Variants in NYAP2 observed in about 807,000 individuals in gnomAD.
The protein encoded by NYAP2 is neuronal tyrosine-phosphorylated phosphoinositide-3-kinase adapter 2.
Under a neutral mutation model 50.4 loss-of-function variants are expected in NYAP2, and 23 were observed. That is an observed-to-expected ratio of 0.46 (90% CI 0.33 to 0.65). The LOEUF is 0.65. Among genes scored for constraint, NYAP2 ranks in the 30% least tolerant of loss-of-function variants. The pLI, the probability that NYAP2 is intolerant of heterozygous loss-of-function variation, is 0.02. For synonymous variants in NYAP2, 394 were observed against 365.2 expected, an observed-to-expected ratio of 1.08 and a Z score of -0.90; for missense variants, 885 against 861.0, an observed-to-expected ratio of 1.03 and a Z score of -0.35.
At chr2:225,583,616 C>G (rs947456037) in intron 5 of NYAP2, among the ~76,000 whole-genome samples, 11 of 150,630 alleles carry the variant, frequency 7.3e-5, no homozygotes, top group African/African-American at 2.7e-4. Flanking sequence ...GAAAGTCAAA[C>G]AGTGAAAACA....
chr2:225,480,457 A>T (rs886440403), intron 3 of NYAP2, among the ~76,000 whole-genome samples: 13 of 152,226 alleles, frequency 8.5e-5, no homozygotes, highest in African/African-American at 2.6e-4. Context: ...CTAAAAGGGC[A>T]TTTGAGCTAG....
chr2:225,534,254 C>T (rs1274760466), intron 4 of NYAP2, among the ~76,000 whole-genome samples: 1 of 152,168 alleles, frequency 6.6e-6, no homozygotes, highest in Admixed American at 6.5e-5. Context: ...GCATTTCCCT[C>T]ATTCCCCCAA....
chr2:225,589,516 A>AAAATATATATATATATATATATAT lies in NYAP2; in HGVS notation c.1618+6482_1618+6483insAATATATATATATATATATATATA, dbSNP rs112700820. On this transcript the variant is annotated intron_variant, in intron 5 of 6. Transcript: ENST00000636099. ...AAGACTATATCTCTACTAAAAGTAA[A>AAAATATATATATATATATATATAT]ATATATATATATATATATATATATA... is the stretch of plus-strand genomic sequence containing the variant. Among the ~76,000 whole-genome samples the AAAATATATATATATATATATATAT allele has an allele frequency of 2.1e-3, 147 of 71,274 alleles. 3 individuals carry two copies. The highest frequency in any genetic ancestry group is 2.9e-3 in the Non-Finnish European group (109 of 37,024). The allele number at this position is 71,274 out of a possible 152,430, so 46.8% of individuals were successfully genotyped here.
At chr2:225,703,302 T>C in the NYAP2 span, 1 of 151,890 alleles carries the variant, frequency 6.6e-6, no homozygotes, top group East Asian at 2.0e-4. Flanking sequence ...GTTTACCATA[T>C]CTAAAAATTT....
At chr2:225,686,810 A>G in the NYAP2 span, among the ~76,000 whole-genome samples, 4 of 152,142 alleles carry the variant, frequency 2.6e-5, no homozygotes, top group African/African-American at 9.6e-5. Flanking sequence ...TATTGTGCCT[A>G]GGATCTTGAT....
chr2:225,519,930 C>T (rs1215861976), intron 4 of NYAP2, among the ~76,000 whole-genome samples: 1 of 152,018 alleles, frequency 6.6e-6, no homozygotes, highest in Non-Finnish European at 1.5e-5. Context: ...CTCTCCAGCA[C>T]CTGTTGTTTC....
chr2:225,595,002 C>A (rs1692572002), intron 5 of NYAP2, among the ~76,000 whole-genome samples: 1 of 152,088 alleles, frequency 6.6e-6, no homozygotes, highest in Non-Finnish European at 1.5e-5. Context: ...TAGAAAAGAA[C>A]CCAGAACAGC....
intron 4 of NYAP2, among the ~76,000 whole-genome samples, chr2:225,554,290 C>G (rs1691734905): frequency 6.7e-6 from 1 of 148,630 alleles, no homozygotes; most frequent in South Asian, 2.2e-4. Flanking sequence ...CAATCTAAAA[C>G]CATATAAAAC....
intron 3 of NYAP2, among the ~76,000 whole-genome samples, chr2:225,478,247 AT>A (rs1162759779): frequency 1.3e-5 from 2 of 152,102 alleles, no homozygotes; most frequent in Non-Finnish European, 2.9e-5. Flanking sequence ...TGGATCCTGG[AT>A]ATATGGAGGA....
intron 3 of NYAP2, among the ~76,000 whole-genome samples, chr2:225,436,377 T>C (rs1689377450): frequency 1.3e-5 from 2 of 152,186 alleles, no homozygotes; most frequent in South Asian, 4.1e-4. Flanking sequence ...CCTCCCTAGC[T>C]TGACATGGTT....
At chr2:225,482,231 A>G (rs561466946) in intron 3 of NYAP2, among the ~76,000 whole-genome samples, 1 of 152,278 alleles carries the variant, frequency 6.6e-6, no homozygotes, top group Non-Finnish European at 1.5e-5. Context: ...TTATAAAAAC[A>G]TCTTCCTATC....
chr2:225,685,028 T>G, the NYAP2 span, among the ~76,000 whole-genome samples: 9 of 152,332 alleles, frequency 5.9e-5, no homozygotes, highest in African/African-American at 2.2e-4. Context: ...CCTTTTATAA[T>G]GTACTTAGGC....
At chr2:225,431,914 T>C (rs561457223) in intron 3 of NYAP2, among the ~76,000 whole-genome samples, 4 of 152,322 alleles carry the variant, frequency 2.6e-5, no homozygotes, top group Non-Finnish European at 2.9e-5. Context: ...TATAATTTTA[T>C]ACTGCAAGAG....
At chr2:225,530,123 G>A (rs970564869) in intron 4 of NYAP2, among the ~76,000 whole-genome samples, 2 of 152,094 alleles carry the variant, frequency 1.3e-5, no homozygotes, top group African/African-American at 4.8e-5. Flanking sequence ...TTTTAAGAAA[G>A]TGACTTTTTC....
intron 3 of NYAP2, among the ~76,000 whole-genome samples, chr2:225,500,418 G>A (rs913353809): frequency 1.3e-5 from 2 of 152,166 alleles, no homozygotes; most frequent in Admixed American, 1.3e-4. Context: ...GTAAATACAT[G>A]GCTAGGATTT....
At chr2:225,464,607 G>C (rs114898174) in intron 3 of NYAP2, among the ~76,000 whole-genome samples, 1 of 152,152 alleles carries the variant, frequency 6.6e-6, no homozygotes, top group Non-Finnish European at 1.5e-5. Flanking sequence ...GTGGATCCAT[G>C]GTTACCAGAA....
intron 3 of NYAP2, among the ~76,000 whole-genome samples, chr2:225,432,383 A>G (rs572624762): frequency 2.0e-3 from 297 of 150,722 alleles, no homozygotes; most frequent in African/African-American, 6.9e-3. Flanking sequence ...ATATATGTTC[A>G]GATTTGATAG....
the NYAP2 span, among the ~76,000 whole-genome samples, chr2:225,674,491 TGTGA>T: frequency 6.6e-6 from 1 of 152,062 alleles, no homozygotes; most frequent in African/African-American, 2.4e-5. Context: ...GACTTTGACT[TGTGA>T]GTATGTGAGG....
intron 5 of NYAP2, among the ~76,000 whole-genome samples, chr2:225,592,905 A>C (rs993650909): frequency 2.0e-5 from 3 of 152,224 alleles, no homozygotes; most frequent in African/African-American, 7.2e-5. Flanking sequence ...TTAGATGTAT[A>C]AAATGCAGAA....
Sources: gnomAD v4.1 joint callset for allele counts (sites outside exome capture counted in the v4.1 genomes callset) on GRCh38, gnomAD v4.1.1 for gene constraint, MANE v1.5 for transcripts, NCBI Gene and HGNC (gene_info 2026-07-23, HGNC 2026-07-21) for gene names.